The following PUS10 variants were observed in gnomAD, a reference collection of about 807,000 sequenced individuals.
The protein encoded by PUS10 is pseudouridine synthase 10, also known as tRNA pseudouridine synthase Pus10.
Under a neutral mutation model 75.0 loss-of-function variants are expected in PUS10, and 59 were observed. The observed-to-expected ratio is 0.79, with a 90% confidence interval of 0.64 to 0.98. PUS10 has a LOEUF of 0.98. Among genes scored for constraint, PUS10 ranks in the 50% least tolerant of loss-of-function variants. The probability of loss-of-function intolerance (pLI) is 0.00; values close to 1 mark genes in which losing one functional copy is unlikely to be tolerated. For synonymous variants in PUS10, 219 were observed against 211.6 expected, an observed-to-expected ratio of 1.03 and a Z score of -0.30; for missense variants, 650 against 614.4, an observed-to-expected ratio of 1.06 and a Z score of -0.61.
chr2:60,985,843 C>T (rs915749017), intron 4 of PUS10, among the ~76,000 whole-genome samples: 1 of 149,822 alleles, frequency 6.7e-6, no homozygotes, highest in South Asian at 2.1e-4. Context: ...TGGATGGGGC[C>T]GTATCTAATG....
At chr2:60,950,741 T>C (rs1185896100) in intron 15 of PUS10, among the ~76,000 whole-genome samples, 2 of 152,230 alleles carry the variant, frequency 1.3e-5, no homozygotes, top group Non-Finnish European at 2.9e-5. Context: ...TTTTAATAGC[T>C]GTATAATATC....
Position 61,015,529 on chromosome 2 carries a change from C to T in PUS10, c.-16+2479G>A, listed in dbSNP as rs894703906. 2.0e-5 allele frequency among the ~76,000 whole-genome samples: 3 copies of T among 152,116 alleles called. No individual in the cohort carries two copies. The South Asian group carries it at 6.2e-4, about 32-fold the overall frequency. On this transcript the variant is annotated intron_variant, in intron 1 of 17. Transcript: ENST00000316752. ...CCTGGCTAACACGATGAAATCCCAT[C>T]TCTACTAAAAATACAAAAAATTAGC...
intron 4 of PUS10, among the ~76,000 whole-genome samples, chr2:61,004,594 A>G (rs1679077969): frequency 1.4e-5 from 2 of 138,654 alleles, no homozygotes; most frequent in Admixed American, 1.6e-4. Flanking sequence ...GTGCCACTGC[A>G]CTCCAGCCTG....
At chr2:60,993,455 T>C (rs188706200) in intron 4 of PUS10, among the ~76,000 whole-genome samples, 62 of 148,264 alleles carry the variant, frequency 4.2e-4, no homozygotes, top group African/African-American at 1.4e-3. Flanking sequence ...AGACTCTGTC[T>C]CAAAAAAAAA....
chr2:60,961,408 T>C, intron 10 of PUS10, 55 bp downstream of exon 10: 1 of 1,335,676 alleles, frequency 7.5e-7, no homozygotes, highest in Non-Finnish European at 1.1e-6. Context: ...CAGCTGAGTT[T>C]TTAGAAAGGA....
At chr2:60,948,381 A>G (rs912162410) in intron 15 of PUS10, among the ~76,000 whole-genome samples, 196 bp from the exon 16 acceptor site, 8 of 152,244 alleles carry the variant, frequency 5.3e-5, no homozygotes, top group Admixed American at 3.9e-4. Context: ...TCACACCGCC[A>G]TGCCCGGCTG....
chr2:60,967,984 A>G (rs535542827), intron 5 of PUS10, among the ~76,000 whole-genome samples: 1 of 152,326 alleles, frequency 6.6e-6, no homozygotes. Flanking sequence ...AAAACTGTGT[A>G]TTACAATAAT....
At chr2:60,997,609 CAAAAAAAA>C (rs559678211) in intron 4 of PUS10, among the ~76,000 whole-genome samples, 1 of 77,802 alleles carries the variant, frequency 1.3e-5, no homozygotes, top group Non-Finnish European at 3.2e-5. Flanking sequence ...GACTCCATCT[CAAAAAAAA>C]AAAAAAAAAA....
chr2:60,971,388 T>C (rs1676651584), intron 5 of PUS10, 135 bp downstream of exon 5: 2 of 747,858 alleles, frequency 2.7e-6, no homozygotes, highest in Non-Finnish European at 4.8e-6. Flanking sequence ...AGAATAAAAA[T>C]TGGTTCTTTG....
At chr2:60,947,712 C>T (rs1385075835) in intron 16 of PUS10, among the ~76,000 whole-genome samples, 1 of 151,478 alleles carries the variant, frequency 6.6e-6, no homozygotes, top group Non-Finnish European at 1.5e-5. Context: ...GCCTGTAGTC[C>T]CAGCTACTCG....
intron 1 of PUS10, among the ~76,000 whole-genome samples, chr2:61,015,032 T>A (rs1279129899): frequency 6.6e-6 from 1 of 152,108 alleles, no homozygotes; most frequent in South Asian, 2.1e-4. Context: ...GGGGAATATG[T>A]GAGTCAGCAG....
At chr2:61,006,388 C>T (rs1027454739) in intron 4 of PUS10, among the ~76,000 whole-genome samples, 169 bp downstream of exon 4, 78 of 152,224 alleles carry the variant, frequency 5.1e-4, no homozygotes, top group Non-Finnish European at 1.5e-4. Context: ...TTTTGTCATT[C>T]ACTCACTCAA....
chr2:60,989,826 T>C (rs1307483192), intron 4 of PUS10, among the ~76,000 whole-genome samples: 4 of 152,034 alleles, frequency 2.6e-5, no homozygotes, highest in Non-Finnish European at 5.9e-5. Context: ...GCTTTCACCA[T>C]GTTGGCCAGG....
At chr2:60,999,555 T>C (rs1399373978) in intron 4 of PUS10, among the ~76,000 whole-genome samples, 1 of 152,116 alleles carries the variant, frequency 6.6e-6, no homozygotes, top group African/African-American at 2.4e-5. Context: ...AGAGGTCAAG[T>C]GCTGCAGTGA....
At position 60,961,513 on chromosome 2, in the gene PUS10, A is replaced by G. The variant is rs2104334902; in HGVS notation, c.824T>C (p.Val275Ala). The G allele has an allele frequency of 6.2e-7, 1 of 1,614,210 alleles. No homozygotes were observed. The stretch of plus-strand genomic sequence containing the variant: ...ACATTCAATTTCAAGAACAGCGCAT[A>G]CAGCCTTTGGTGAGTTTGGAGGACA... ...FPCPPNSPKA[V>A]CAVLEIECAH... Residue 275 changes from valine to alanine, a missense_variant, in exon 10 of 18, where the codon GTA becomes GCA. Val to Ala is a moderately conservative substitution (Grantham distance 64). Coordinates refer to ENST00000316752, the MANE Select transcript of PUS10 (RefSeq NM_144709.4).
Position 60,951,549 on chromosome 2 carries a change from C to T in PUS10, c.1308+1448G>A, listed in dbSNP as rs79200356. Among the ~76,000 whole-genome samples the T allele has an allele frequency of 3.1e-3, 465 of 152,264 alleles. 3 individuals are homozygous for T. The highest frequency in any genetic ancestry group is 0.011 in the African/African-American group (452 of 41,540). On this transcript the variant is annotated intron_variant, in intron 15 of 17. Coordinates refer to ENST00000316752, the MANE Select transcript of PUS10 (RefSeq NM_144709.4). ...CATAAGGAGCATGCAACCTAGATCCCTCGCACGTGTCATTTCCACGAGGGT... is the reference window on the plus strand; with the variant it reads ...CATAAGGAGCATGCAACCTAGATCCTTCGCACGTGTCATTTCCACGAGGGT...
Position 61,010,997 on chromosome 2 carries a change from C to A in PUS10, c.126+768G>T, listed in dbSNP as rs1679561770. On this transcript the variant is annotated intron_variant, in intron 2 of 17. Coordinates refer to ENST00000316752, the MANE Select transcript of PUS10 (RefSeq NM_144709.4). ...AATTGAATATTGTGTATTATTATTG[C>A]CAAAATAATAGAAACAACTAATAAC... 9.6e-6 allele frequency: 13 copies of A among 1,352,088 alleles called. No individual in the cohort carries two copies. The South Asian group carries it at 9.7e-5, about 10-fold the overall frequency. 83.8% of individuals were successfully genotyped at this position (1,352,088 alleles called of 1,614,324 possible).
intron 4 of PUS10, among the ~76,000 whole-genome samples, chr2:60,993,002 T>C (rs1484516018): frequency 6.6e-6 from 1 of 152,242 alleles, no homozygotes; most frequent in African/African-American, 2.4e-5. Context: ...AAGTACGTGC[T>C]GAGCACTCTT....
intron 4 of PUS10, among the ~76,000 whole-genome samples, chr2:60,981,592 T>A (rs1323160450): frequency 6.6e-6 from 1 of 152,228 alleles, no homozygotes; most frequent in Non-Finnish European, 1.5e-5. Flanking sequence ...TAAAAAATAT[T>A]TATTAATTCA....
Sources: allele counts gnomAD v4.1 joint callset (sites outside exome capture counted in the v4.1 genomes callset), GRCh38; gene constraint gnomAD v4.1.1; transcripts MANE v1.5; gene names NCBI Gene and HGNC (gene_info 2026-07-23, HGNC 2026-07-21).